CCDC91: variants seen among roughly 807,000 people sequenced by gnomAD.
CCDC91 encodes the protein coiled-coil domain containing 91.
In CCDC91, 48 loss-of-function variants were observed where a neutral mutation model predicts 63.2. The ratio of observed to expected loss-of-function variants is 0.76; its 90% CI spans 0.60 to 0.97. CCDC91 has a LOEUF of 0.97. Among genes scored for constraint, CCDC91 ranks in the 50% least tolerant of loss-of-function variants. The pLI, the probability that CCDC91 is intolerant of heterozygous loss-of-function variation, is 0.00. For synonymous variants in CCDC91, 167 were observed against 165.8 expected (o/e 1.01, Z -0.06); for missense variants, 500 against 494.6 (o/e 1.01, Z -0.10).
chr12:28,265,131 C>T (rs1321581929), intron 3 of CCDC91, among the ~76,000 whole-genome samples: 1 of 152,022 alleles, frequency 6.6e-6, no homozygotes, highest in Admixed American at 6.6e-5. Context: ...GAACTGTTCA[C>T]TTTTTATGTT....
chr12:28,308,730 C>T (rs1259778117), intron 6 of CCDC91, among the ~76,000 whole-genome samples: 1 of 151,990 alleles, frequency 6.6e-6, no homozygotes, highest in Non-Finnish European at 1.5e-5. Context: ...TGCTGACATC[C>T]TCTCCATCCA....
chr12:28,466,302 G>A (rs1055115841), intron 11 of CCDC91, among the ~76,000 whole-genome samples: 3 of 152,096 alleles, frequency 2.0e-5, no homozygotes, highest in African/African-American at 7.2e-5. Context: ...TTATTCAAAG[G>A]TATAATAACA....
At chr12:28,393,398 G>A (rs1946075050) in intron 8 of CCDC91, among the ~76,000 whole-genome samples, 1 of 147,538 alleles carries the variant, frequency 6.8e-6, no homozygotes, top group African/African-American at 2.5e-5. Context: ...TTTTTTACTA[G>A]CCTGCCTTTG....
chr12:28,524,662 G>A (rs1941090290), intron 12 of CCDC91, among the ~76,000 whole-genome samples: 2 of 152,066 alleles, frequency 1.3e-5, no homozygotes, highest in African/African-American at 2.4e-5. Context: ...GTAGAATAGT[G>A]TCAATAGGAT....
chr12:28,238,878 G>T (rs1945140991), intron 1 of CCDC91, among the ~76,000 whole-genome samples: 3 of 152,072 alleles, frequency 2.0e-5, no homozygotes. Flanking sequence ...CCAGCACTTT[G>T]GGAGGTCAAG....
intron 6 of CCDC91, among the ~76,000 whole-genome samples, chr12:28,349,505 C>A (rs1943040230): frequency 1.3e-5 from 2 of 152,118 alleles, no homozygotes; most frequent in East Asian, 3.9e-4. Flanking sequence ...TTATAAGGGC[C>A]TCATGCTTGG....
chr12:28,491,699 G>T (rs1158797682), intron 12 of CCDC91, among the ~76,000 whole-genome samples: 6 of 151,762 alleles, frequency 4.0e-5, no homozygotes, highest in Non-Finnish European at 8.8e-5. Flanking sequence ...AAAAATTTTT[G>T]TAAAGAAGTC....
At chr12:28,290,162 A>G (rs1949154202) in intron 3 of CCDC91, among the ~76,000 whole-genome samples, 1 of 152,084 alleles carries the variant, frequency 6.6e-6, no homozygotes, top group African/African-American at 2.4e-5. Flanking sequence ...GAAGGTCCCT[A>G]TGACCTTGCT....
chr12:28,431,673 C>A (rs1176941461), intron 8 of CCDC91, among the ~76,000 whole-genome samples: 1 of 151,850 alleles, frequency 6.6e-6, no homozygotes, highest in Non-Finnish European at 1.5e-5. Context: ...CTCCTGTCCC[C>A]CAAAGTGACC....
intron 6 of CCDC91, among the ~76,000 whole-genome samples, chr12:28,332,502 G>A (rs1292245416): frequency 1.3e-5 from 2 of 152,138 alleles, no homozygotes; most frequent in Non-Finnish European, 2.9e-5. Flanking sequence ...TTATATACCT[G>A]TATATTACCT....
At chr12:28,391,475 C>T in intron 8 of CCDC91, 64 bp downstream of exon 8, 1 of 962,810 alleles carries the variant, frequency 1.0e-6, no homozygotes, top group Non-Finnish European at 1.6e-6. Context: ...CCTGAGAGCT[C>T]TATAACTGTT....
At chr12:28,361,529 T>A (rs906174766) in intron 6 of CCDC91, among the ~76,000 whole-genome samples, 2 of 152,184 alleles carry the variant, frequency 1.3e-5, no homozygotes, top group East Asian at 3.8e-4. Flanking sequence ...AAAAGATTTT[T>A]AAAAATATTT....
intron 6 of CCDC91, among the ~76,000 whole-genome samples, chr12:28,324,317 A>G (rs1157715871): frequency 6.6e-6 from 1 of 151,942 alleles, no homozygotes; most frequent in East Asian, 1.9e-4. Flanking sequence ...TCACAAAAAT[A>G]ATGATTGTTT....
chr12:28,538,878 T>C (rs988192642), intron 12 of CCDC91, among the ~76,000 whole-genome samples: 1 of 152,246 alleles, frequency 6.6e-6, no homozygotes, highest in African/African-American at 2.4e-5. Flanking sequence ...CATATTTTCA[T>C]GTGTCTTTTG....
At position 28,272,627 on chromosome 12, in the gene CCDC91, TCTG is replaced by T. The variant is rs530860513; in HGVS notation, c.109+13188_109+13190del. ...TTCCTCCTTCTCTTTATTCATATAT[TCTG>T]CTATTTGATGCCGTAATGCTCTCAA... On this transcript the variant is annotated intron_variant, in intron 3 of 12. Coordinates refer to ENST00000536442, the MANE Select transcript of CCDC91 (RefSeq NM_018318.5). 1.0e-3 allele frequency among the ~76,000 whole-genome samples: 156 copies of T among 152,174 alleles called. 1 individual carries two copies. The highest frequency in any genetic ancestry group is 3.4e-3 in the African/African-American group (141 of 41,536).
At chr12:28,406,176 C>G (rs1341211924) in intron 8 of CCDC91, among the ~76,000 whole-genome samples, 3 of 151,728 alleles carry the variant, frequency 2.0e-5, no homozygotes, top group East Asian at 3.9e-4. Context: ...GTTTGCTGCA[C>G]AGATCAACCC....
chr12:28,226,772 CA>C (rs1433776694), intron 1 of CCDC91, among the ~76,000 whole-genome samples: 26 of 152,188 alleles, frequency 1.7e-4, no homozygotes, highest in African/African-American at 5.5e-4. Context: ...TCTAGGTTAT[CA>C]TACATTTAGT....
At chr12:28,477,903 C>A (rs1268069140) in intron 11 of CCDC91, among the ~76,000 whole-genome samples, 5 of 152,092 alleles carry the variant, frequency 3.3e-5, no homozygotes, top group Admixed American at 2.0e-4. Flanking sequence ...ATCCAACTTA[C>A]AAGGGATGTG....
chr12:28,501,542 T>A (rs1937871256), intron 12 of CCDC91, among the ~76,000 whole-genome samples: 1 of 151,928 alleles, frequency 6.6e-6, no homozygotes, highest in Non-Finnish European at 1.5e-5. Context: ...CAGCCTTGCA[T>A]CCCAGGGATG....
Sources: allele counts gnomAD v4.1 joint callset (sites outside exome capture counted in the v4.1 genomes callset), GRCh38; gene constraint gnomAD v4.1.1; transcripts MANE v1.5; gene names NCBI Gene and HGNC (gene_info 2026-07-23, HGNC 2026-07-21).